The following GRB2 variants were observed in gnomAD, a reference collection of about 807,000 sequenced individuals.
GRB2 encodes growth factor receptor bound protein 2, also known as growth factor receptor-bound protein 2.
A neutral mutation model predicts 27.4 loss-of-function variants in GRB2; 2 were observed. The ratio of observed to expected loss-of-function variants is 0.07; its 90% CI spans 0.03 to 0.23. GRB2 has a LOEUF of 0.23. Ranked by LOEUF, GRB2 falls within the 10% of genes least tolerant of loss-of-function variation. The pLI is 1.00. For synonymous variants in GRB2, 94 were observed against 99.6 expected (o/e 0.94, Z 0.33); for missense variants, 102 against 282.4 (o/e 0.36, Z 4.58).
At chr17:75,375,728 A>G (rs1598246131) in intron 2 of GRB2, among the ~76,000 whole-genome samples, 1 of 152,164 alleles carries the variant, frequency 6.6e-6, no homozygotes, top group East Asian at 1.9e-4. Context: ...CAAATATACA[A>G]AAAGTACTGG....
intron 2 of GRB2, among the ~76,000 whole-genome samples, chr17:75,336,774 G>A (rs2078580155): frequency 6.6e-6 from 1 of 152,040 alleles, no homozygotes; most frequent in South Asian, 2.1e-4. Flanking sequence ...CTGTTGCTCT[G>A]TCACCCAGGC....
intron 3 of GRB2, among the ~76,000 whole-genome samples, chr17:75,331,098 C>T (rs1329919565): frequency 6.6e-6 from 1 of 152,212 alleles, no homozygotes; most frequent in East Asian, 1.9e-4. Context: ...TACTCATGAA[C>T]ATCCAGCCAC....
rs1340616147 is a variant in GRB2, at chr17:75,318,553, A to G, written c.*1815T>C. On this transcript the variant is annotated 3_prime_UTR_variant, in exon 6 of 6. Coordinates refer to ENST00000316804, the MANE Select transcript of GRB2 (RefSeq NM_002086.5). Reference sequence around the variant, plus strand: ...GGGTGGAGAAAAAGATTACAGGCACATCACCACAGGGGACCAGAAGTGGAG... The same window carrying G: ...GGGTGGAGAAAAAGATTACAGGCACGTCACCACAGGGGACCAGAAGTGGAG... 1.3e-5 allele frequency: 2 copies of G among 152,238 alleles called. No homozygotes were observed. Among genetic ancestry groups the G allele is most frequent in the East Asian group, 1.9e-4 (1 of 5,198 alleles). 9.4% of individuals were successfully genotyped at this position (152,238 alleles called of 1,614,324 possible). A position where few individuals can be genotyped will look rare whatever the true frequency, so the allele number is the denominator to read the frequency against.
chr17:75,400,137 A>C (rs1293951795), intron 1 of GRB2, among the ~76,000 whole-genome samples: 2 of 151,496 alleles, frequency 1.3e-5, no homozygotes, highest in Middle Eastern at 3.4e-3. Context: ...AGCTGGGACT[A>C]CAGGTGTGTG....
At chr17:75,334,550 G>C (rs2078563561) in intron 2 of GRB2, among the ~76,000 whole-genome samples, 1 of 152,178 alleles carries the variant, frequency 6.6e-6, no homozygotes. Context: ...AAAGTGCTGA[G>C]ATTACAGGTG....
intron 2 of GRB2, among the ~76,000 whole-genome samples, chr17:75,361,595 A>G (rs1471665841): frequency 6.6e-6 from 1 of 152,178 alleles, no homozygotes; most frequent in Non-Finnish European, 1.5e-5. Context: ...AATACCAAAT[A>G]TGGTATGAGG....
chr17:75,342,144 T>C (rs772283849), intron 2 of GRB2, among the ~76,000 whole-genome samples: 65 of 152,284 alleles, frequency 4.3e-4, no homozygotes, highest in Non-Finnish European at 7.4e-4. Flanking sequence ...TTCAATCTTA[T>C]AGTATTTAAT....
rs56169205 is a variant in GRB2, at chr17:75,332,880, T to G, written c.79-83A>C. 5.6e-3 allele frequency: 4,890 copies of G among 873,338 alleles called. 131 individuals are homozygous for G. Among genetic ancestry groups the G allele is most frequent in the South Asian group, 0.042 (2,842 of 66,970 alleles). The allele number at this position is 873,338 out of a possible 1,614,324, so 54.1% of individuals were successfully genotyped here. On this transcript the variant is annotated intron_variant, in intron 2 of 5. Transcript: ENST00000316804. Reference sequence around the variant, plus strand: ...TAGTTACAAGACAATTATGCTATCTTTTAGGTCTGTGAACGGTTTCACTCG... The same window carrying G: ...TAGTTACAAGACAATTATGCTATCTGTTAGGTCTGTGAACGGTTTCACTCG...
chr17:75,377,709 C>A (rs1322978573), intron 2 of GRB2, among the ~76,000 whole-genome samples: 1 of 150,546 alleles, frequency 6.6e-6, no homozygotes, highest in Non-Finnish European at 1.5e-5. Context: ...GAGTTAGAGA[C>A]CAGCCTGGCC....
intron 2 of GRB2, among the ~76,000 whole-genome samples, chr17:75,388,100 T>C (rs574501801): frequency 2.0e-5 from 3 of 152,238 alleles, no homozygotes; most frequent in African/African-American, 7.2e-5. Context: ...CTTCCTTTTT[T>C]GTTTTTGTTT....
intron 2 of GRB2, among the ~76,000 whole-genome samples, chr17:75,333,613 C>T (rs540021327): frequency 6.6e-6 from 1 of 152,276 alleles, no homozygotes; most frequent in East Asian, 1.9e-4. Context: ...CATGGCTTCT[C>T]TGGGTTACCG....
chr17:75,360,967 T>C (rs554852635), intron 2 of GRB2, among the ~76,000 whole-genome samples: 5 of 18,656 alleles, frequency 2.7e-4, no homozygotes, highest in South Asian at 5.6e-3. Flanking sequence ...GATGGGGTCT[T>C]GCTCTATTGA....
intron 1 of GRB2, among the ~76,000 whole-genome samples, chr17:75,397,741 G>A (rs1371019944): frequency 1.3e-5 from 2 of 152,122 alleles, no homozygotes; most frequent in African/African-American, 4.8e-5. Flanking sequence ...AAGATCCACT[G>A]AGGATTAAAT....
At chr17:75,345,722 G>C (rs1016018867) in intron 2 of GRB2, among the ~76,000 whole-genome samples, 1 of 151,904 alleles carries the variant, frequency 6.6e-6, no homozygotes, top group Non-Finnish European at 1.5e-5. Flanking sequence ...CACCCCCAGG[G>C]TGGAGGCGAA....
intron 2 of GRB2, among the ~76,000 whole-genome samples, chr17:75,354,265 G>GGGC (rs1491373834): frequency 3.1e-5 from 2 of 64,004 alleles, no homozygotes; most frequent in African/African-American, 1.4e-4. Flanking sequence ...CTTTTTTTTT[G>GGGC]GGGGGGGGGG....
rs1160111557 is a variant in GRB2 at position 75,393,752 on chromosome 17, C to T, written c.-124G>A. 4.2e-6 allele frequency: 3 copies of T among 706,938 alleles called. No homozygotes were observed. In the Admixed American group the frequency reaches 6.8e-5, roughly 16 times the overall value. 43.8% of individuals were successfully genotyped at this position (706,938 alleles called of 1,614,324 possible). A position where few individuals can be genotyped will look rare whatever the true frequency, so the allele number is the denominator to read the frequency against. ...TGGGACTCGCTCCGGCACTCTGGGA[C>T]ACACAATGCCACCCTGAAGCAGGAG... On this transcript the variant is annotated 5_prime_UTR_variant, in exon 2 of 6. Coordinates refer to ENST00000316804, the MANE Select transcript of GRB2 (RefSeq NM_002086.5).
chr17:75,393,863 T>A (rs1320551844), intron 1 of GRB2, 98 bp from the exon 2 acceptor site: 6 of 529,020 alleles, frequency 1.1e-5, no homozygotes, highest in Non-Finnish European at 2.0e-5. Context: ...GCCCCCTGGC[T>A]CGGCCTGGCT....
At chr17:75,356,798 C>T (rs1262303789) in intron 2 of GRB2, among the ~76,000 whole-genome samples, 2 of 152,200 alleles carry the variant, frequency 1.3e-5, no homozygotes, top group Non-Finnish European at 2.9e-5. Context: ...CCTTGAAGCA[C>T]TTTCTTGGCT....
At chr17:75,332,314 A>C (rs1421854648) in intron 3 of GRB2, among the ~76,000 whole-genome samples, 1 of 152,212 alleles carries the variant, frequency 6.6e-6, no homozygotes, top group Non-Finnish European at 1.5e-5. Flanking sequence ...TGGGGATACA[A>C]AGATATTAAG....
Sources: gnomAD v4.1 joint callset for allele counts (sites outside exome capture counted in the v4.1 genomes callset) on GRCh38, gnomAD v4.1.1 for gene constraint, MANE v1.5 for transcripts, NCBI Gene and HGNC (gene_info 2026-07-23, HGNC 2026-07-21) for gene names.